Variants in PPP1R13B observed in about 807,000 individuals in gnomAD.
PPP1R13B encodes apoptosis-stimulating of p53 protein 1.
In PPP1R13B, 44 loss-of-function variants were observed where a neutral mutation model predicts 119.8. That is an observed-to-expected ratio of 0.37 (90% CI 0.29 to 0.47). The LOEUF (loss-of-function observed/expected upper bound fraction) is 0.47, where lower values mean the gene tolerates loss of function less well. Among genes scored for constraint, PPP1R13B ranks in the 20% least tolerant of loss-of-function variants. The pLI is 0.99. For synonymous variants in PPP1R13B, 542 were observed against 561.5 expected, an observed-to-expected ratio of 0.97 and a Z score of 0.49; for missense variants, 1,227 against 1,413.5, an observed-to-expected ratio of 0.87 and a Z score of 2.12.
At chr14:103,797,081 G>C (rs1476362050) in intron 2 of PPP1R13B, among the ~76,000 whole-genome samples, 1 of 144,418 alleles carries the variant, frequency 6.9e-6, no homozygotes, top group Admixed American at 6.9e-5. Context: ...CTGGGAGACA[G>C]AGTGAGATAC....
At chr14:103,833,035 C>T (rs1355763074) in intron 1 of PPP1R13B, among the ~76,000 whole-genome samples, 1 of 151,608 alleles carries the variant, frequency 6.6e-6, no homozygotes, top group Non-Finnish European at 1.5e-5. Flanking sequence ...TGAGAAGATG[C>T]AGATAAAAAC....
chr14:103,789,607 G>T (rs905876153), intron 2 of PPP1R13B, among the ~76,000 whole-genome samples: 23 of 151,982 alleles, frequency 1.5e-4, no homozygotes, highest in African/African-American at 5.1e-4. Flanking sequence ...TCTGTCTCCC[G>T]GGTTCAAGCG....
At chr14:103,796,930 C>A (rs1158253510) in intron 2 of PPP1R13B, among the ~76,000 whole-genome samples, 1 of 151,928 alleles carries the variant, frequency 6.6e-6, no homozygotes. Flanking sequence ...GCACTCCAGC[C>A]TGTGGGAGAG....
intron 1 of PPP1R13B, chr14:103,846,666 C>A (rs544937209): frequency 6.4e-4 from 288 of 449,328 alleles, no homozygotes; most frequent in Non-Finnish European, 1.1e-3. Flanking sequence ...TGGCCAATGT[C>A]TTTCTAGGCG....
chr14:103,764,117 C>T (rs1024619967), intron 4 of PPP1R13B: 1 of 154,734 alleles, frequency 6.5e-6, no homozygotes, highest in African/African-American at 2.4e-5. Flanking sequence ...TTTCATTTCT[C>T]TTGAGTAGAT....
chr14:103,798,487 G>A (rs56145096), intron 1 of PPP1R13B, among the ~76,000 whole-genome samples: 1 of 151,784 alleles, frequency 6.6e-6, no homozygotes, highest in Non-Finnish European at 1.5e-5. Context: ...CAAGGTAGGG[G>A]AAAACATTTG....
chr14:103,783,211 G>A (rs1052208350), intron 3 of PPP1R13B, among the ~76,000 whole-genome samples: 2 of 136,806 alleles, frequency 1.5e-5, no homozygotes, highest in African/African-American at 5.1e-5. Context: ...TTTATCTTTT[G>A]ACTTTTTTTT....
At chr14:103,774,839 G>A (rs188285542) in intron 4 of PPP1R13B, among the ~76,000 whole-genome samples, 2 of 152,276 alleles carry the variant, frequency 1.3e-5, no homozygotes, top group East Asian at 3.9e-4. Context: ...AGAAGGTAAC[G>A]TATTATTAAG....
chr14:103,745,712 C>T (rs754947751), intron 9 of PPP1R13B, among the ~76,000 whole-genome samples: 2 of 152,200 alleles, frequency 1.3e-5, no homozygotes, highest in Non-Finnish European at 2.9e-5. Flanking sequence ...TGGCTGTAGC[C>T]GAGTTGTGGT....
chr14:103,764,538 TGTTA>T, intron 4 of PPP1R13B: 1 of 298,872 alleles, frequency 3.3e-6, no homozygotes, highest in South Asian at 2.8e-5. Context: ...ACATCCACAA[TGTTA>T]ATTATTGTAG....
At chr14:103,819,597 C>A (rs1356271318) in intron 1 of PPP1R13B, among the ~76,000 whole-genome samples, 2 of 151,448 alleles carry the variant, frequency 1.3e-5, no homozygotes, top group Non-Finnish European at 2.9e-5. Flanking sequence ...AGAATGAGAA[C>A]CCTAGAGGTA....
At chr14:103,786,798 T>C (rs1360066711) in intron 2 of PPP1R13B, among the ~76,000 whole-genome samples, 3 of 129,016 alleles carry the variant, frequency 2.3e-5, no homozygotes, top group Non-Finnish European at 4.8e-5. Flanking sequence ...AGGCTGGTCA[T>C]GGTGGTGCAC....
At position 103,813,657 on chromosome 14, in the gene PPP1R13B, C is replaced by T. The variant is rs118034320; in HGVS notation, c.10-16139G>A. The stretch of plus-strand genomic sequence containing the variant: ...ACTGTGAGTACATTAAATCTCTTTC[C>T]TTTATAAATTACCCAGTCTCCGGTA... On this transcript the variant is annotated intron_variant, in intron 1 of 16. Coordinates refer to ENST00000202556, the MANE Select transcript of PPP1R13B (RefSeq NM_015316.3). 9.8e-4 allele frequency among the ~76,000 whole-genome samples: 149 copies of T among 152,202 alleles called. 2 individuals carry two copies. The highest frequency in any genetic ancestry group is 8.5e-3 in the East Asian group (44 of 5,152).
At chr14:103,759,946 T>C (rs1317805086) in intron 4 of PPP1R13B, among the ~76,000 whole-genome samples, 5 of 152,248 alleles carry the variant, frequency 3.3e-5, no homozygotes. Flanking sequence ...TCATAGGTAA[T>C]TCATTGTATC....
chr14:103,830,502 G>T (rs141399529), intron 1 of PPP1R13B, among the ~76,000 whole-genome samples: 45 of 152,278 alleles, frequency 3.0e-4, no homozygotes, highest in African/African-American at 1.1e-3. Context: ...GAGACGCAGA[G>T]AAATTAAGTA....
In PPP1R13B at chr14:103,768,141, G is replaced by A. The variant is rs547783373; in HGVS notation, c.355-10390C>T. Among the ~76,000 whole-genome samples the A allele has an allele frequency of 6.0e-3, 878 of 147,474 alleles. 11 individuals are homozygous for A. Among genetic ancestry groups the A allele is most frequent in the African/African-American group, 0.021 (827 of 39,624 alleles). On this transcript the variant is annotated intron_variant, in intron 4 of 16. Coordinates refer to ENST00000202556, the MANE Select transcript of PPP1R13B (RefSeq NM_015316.3). The stretch of plus-strand genomic sequence containing the variant: ...TTCTTTTTTTTTTTTTTGAGATGGA[G>A]TCTCACTCTGTCACCCAGGCTGGAG...
At chr14:103,797,244 T>G (rs2085781163) in intron 2 of PPP1R13B, 127 bp downstream of exon 2, 1 of 862,128 alleles carries the variant, frequency 1.2e-6, no homozygotes, top group Non-Finnish European at 1.8e-6. Flanking sequence ...AAATACTAAA[T>G]TATATGTACT....
chr14:103,824,191 G>A (rs2086482027), intron 1 of PPP1R13B, among the ~76,000 whole-genome samples: 1 of 150,526 alleles, frequency 6.6e-6, no homozygotes, highest in Non-Finnish European at 1.5e-5. Context: ...GACTACAGGT[G>A]CGTGCAACCA....
chr14:103,827,052 C>T (rs1216987845), intron 1 of PPP1R13B, among the ~76,000 whole-genome samples: 4 of 149,596 alleles, frequency 2.7e-5, no homozygotes, highest in Non-Finnish European at 5.9e-5. Flanking sequence ...AGGCTGGGCA[C>T]GGTGGCACAC....
Sources: allele counts gnomAD v4.1 joint callset (sites outside exome capture counted in the v4.1 genomes callset), GRCh38; gene constraint gnomAD v4.1.1; transcripts MANE v1.5; gene names NCBI Gene and HGNC (gene_info 2026-07-23, HGNC 2026-07-21).